R3HCC1L: variants seen among roughly 807,000 people sequenced by gnomAD.
R3HCC1L encodes coiled-coil domain-containing protein R3HCC1L.
In R3HCC1L, 51 loss-of-function variants were observed where a neutral mutation model predicts 59.9. The observed-to-expected ratio is 0.85, with a 90% CI of 0.68 to 1.07. The LOEUF (loss-of-function observed/expected upper bound fraction) is 1.07. Among genes scored for constraint, R3HCC1L ranks in the 50% least tolerant of loss-of-function variants. The probability of loss-of-function intolerance (pLI) is 0.00; values close to 1 mark genes in which losing one functional copy is unlikely to be tolerated. For synonymous variants in R3HCC1L, 322 were observed against 315.2 expected (o/e 1.02, Z -0.23); for missense variants, 965 against 933.0 (o/e 1.03, Z -0.45).
chr10:98,220,454 A>G (rs7093528), intron 5 of R3HCC1L, among the ~76,000 whole-genome samples: 3,442 of 142,326 alleles, frequency 0.024, 144 homozygotes, highest in African/African-American at 0.081. Context: ...TTACATATGT[A>G]TACATATGCC....
chr10:98,241,937 T>G (rs1449658437), intron 9 of R3HCC1L, among the ~76,000 whole-genome samples: 1 of 152,214 alleles, frequency 6.6e-6, no homozygotes, highest in Admixed American at 6.5e-5. Context: ...ATTTCTAAAT[T>G]TACACCTCAC....
intron 1 of R3HCC1L, among the ~76,000 whole-genome samples, chr10:98,136,333 C>T (rs1844581974): frequency 6.6e-6 from 1 of 152,046 alleles, no homozygotes; most frequent in Non-Finnish European, 1.5e-5. Flanking sequence ...AGTTCAAGTC[C>T]TGGTGCTGTG....
intron 5 of R3HCC1L, among the ~76,000 whole-genome samples, chr10:98,212,577 G>T (rs893174924): frequency 1.3e-5 from 2 of 152,146 alleles, no homozygotes; most frequent in Non-Finnish European, 2.9e-5. Flanking sequence ...CTAAAGCCAC[G>T]GTATGGAATG....
chr10:98,209,407 G>A lies in R3HCC1L; in HGVS notation c.1293G>A (p.Gly431=). 2 of 1,613,674 alleles carry A rather than the reference G, an allele frequency of 1.2e-6. No individual in the cohort carries two copies. The highest frequency in any genetic ancestry group is 1.7e-6 in the Non-Finnish European group (2 of 1,179,984). The change falls in exon 5 of 10, where the codon GGG becomes GGA. Residue 431 remains glycine (G), a synonymous_variant. Transcript: ENST00000298999. The part of the protein sequence containing the change: ...DATPLHVARS[G]NDTEDFSNPS... The stretch of plus-strand genomic sequence containing the variant: ...CCCCTCTTCATGTAGCTAGAAGTGG[G>A]AATGACACTGAAGATTTCAGCAACC...
At chr10:98,136,287 T>C (rs1245908708) in intron 1 of R3HCC1L, among the ~76,000 whole-genome samples, 1 of 152,216 alleles carries the variant, frequency 6.6e-6, no homozygotes, top group Non-Finnish European at 1.5e-5. Context: ...TGACAGTAAG[T>C]TGCATTAGCT....
intron 4 of R3HCC1L, among the ~76,000 whole-genome samples, chr10:98,176,218 A>G (rs1849003505): frequency 6.6e-6 from 1 of 152,080 alleles, no homozygotes; most frequent in Admixed American, 6.6e-5. Flanking sequence ...TGAGTTCTCC[A>G]TCTTCATCCC....
At chr10:98,193,247 A>G (rs544779962) in intron 4 of R3HCC1L, among the ~76,000 whole-genome samples, 3 of 152,126 alleles carry the variant, frequency 2.0e-5, no homozygotes, top group Non-Finnish European at 4.4e-5. Flanking sequence ...TTTCTTCAAC[A>G]TTGTAATAGA....
At chr10:98,148,456 C>CTTG (rs1321874338) in intron 1 of R3HCC1L, among the ~76,000 whole-genome samples, 1 of 152,116 alleles carries the variant, frequency 6.6e-6, no homozygotes, top group East Asian at 1.9e-4. Context: ...GCATCCTTGT[C>CTTG]TTGTTCCAGA....
At chr10:98,220,480 A>T in intron 5 of R3HCC1L, among the ~76,000 whole-genome samples, 1 of 144,012 alleles carries the variant, frequency 6.9e-6, no homozygotes, top group East Asian at 2.1e-4. Flanking sequence ...GGTGCACTGC[A>T]CCCACTAACT....
At chr10:98,169,576 T>C (rs1485434748) in intron 4 of R3HCC1L, among the ~76,000 whole-genome samples, 1 of 152,190 alleles carries the variant, frequency 6.6e-6, no homozygotes, top group Admixed American at 6.6e-5. Context: ...GGGCCTAAAC[T>C]GTAATGAAAC....
At chr10:98,236,832 G>T (rs1857019075) in intron 9 of R3HCC1L, among the ~76,000 whole-genome samples, 1 of 152,152 alleles carries the variant, frequency 6.6e-6, no homozygotes, top group Admixed American at 6.5e-5. Context: ...GTAAAGGCTT[G>T]GGACTCTGGT....
Position 98,160,866 on chromosome 10 carries a change from T to A in R3HCC1L, c.-212-2017T>A, listed in dbSNP as rs1056969134. On this transcript the variant is annotated intron_variant, in intron 2 of 9. Coordinates refer to ENST00000298999, the MANE Select transcript of R3HCC1L (RefSeq NM_001351015.2). ...TCATGTGTTTTTCCCCCCTCAGGAT[T>A]GAGGAGATAGATGCACATTTTCTAA... is the stretch of plus-strand genomic sequence containing the variant. 3.3e-5 allele frequency among the ~76,000 whole-genome samples: 5 copies of A among 152,242 alleles called. No individual in the cohort carries two copies. In the South Asian group the frequency reaches 1.0e-3, roughly 32 times the overall value.
At chr10:98,157,218 T>G (rs180702320) in intron 2 of R3HCC1L, among the ~76,000 whole-genome samples, 1 of 152,332 alleles carries the variant, frequency 6.6e-6, no homozygotes, top group East Asian at 1.9e-4. Context: ...CACAGTGATG[T>G]GCTTTGGTGT....
chr10:98,208,324 A>T lies in R3HCC1L; in HGVS notation c.210A>T (p.Arg70Ser). 1 of 1,614,200 alleles carries T rather than the reference A, an allele frequency of 6.2e-7. No homozygotes were observed. Among genetic ancestry groups the T allele is most frequent in the Non-Finnish European group, 8.5e-7 (1 of 1,180,034 alleles). The change falls in exon 5 of 10, where the codon AGA becomes AGT. Residue 70 changes from arginine (R) to serine (S), a missense_variant. Physicochemically the swap from Arg to Ser is moderately radical, Grantham distance 110. Coordinates refer to ENST00000298999, the MANE Select transcript of R3HCC1L (RefSeq NM_001351015.2). ...EVFKDKPEAR[R>S]LNINPDRKEH... ...TTAAAGACAAACCGGAGGCTCGAAG[A>T]CTAAATATCAATCCTGATAGAAAGG...
At chr10:98,146,121 TTAA>T (rs1437200417) in intron 1 of R3HCC1L, among the ~76,000 whole-genome samples, 1 of 152,186 alleles carries the variant, frequency 6.6e-6, no homozygotes, top group Non-Finnish European at 1.5e-5. Context: ...GGAGGATATT[TTAA>T]TAATTATTGT....
chr10:98,147,683 T>C (rs1305152795), intron 1 of R3HCC1L, among the ~76,000 whole-genome samples: 1 of 152,190 alleles, frequency 6.6e-6, no homozygotes, highest in Non-Finnish European at 1.5e-5. Context: ...CCCCATTTTA[T>C]GTTCTTGGTG....
chr10:98,134,658 G>A lies in R3HCC1L; in HGVS notation c.-316G>A, dbSNP rs899134474. ...GCGCGCCCCAGCGGCGCGAGCGGAA[G>A]AGATAGAGCTTCGCGGAGACGGCGG... On this transcript the variant is annotated 5_prime_UTR_variant, in exon 1 of 10. Transcript: ENST00000298999. The A allele has an allele frequency of 3.9e-5, 6 of 152,294 alleles. No homozygotes were observed. Among genetic ancestry groups the A allele is most frequent in the East Asian group, 1.9e-4 (1 of 5,182 alleles). The allele number at this position is 152,294 out of a possible 1,614,324, so 9.4% of individuals were successfully genotyped here.
At chr10:98,186,537 T>G (rs1481496251) in intron 4 of R3HCC1L, 1 of 979,124 alleles carries the variant, frequency 1.0e-6, no homozygotes, top group Non-Finnish European at 1.2e-6. Flanking sequence ...AGTGTTCAAG[T>G]CTTCTGAGAC....
chr10:98,242,137 GA>G (rs1336616623), intron 9 of R3HCC1L, among the ~76,000 whole-genome samples: 1 of 152,180 alleles, frequency 6.6e-6, no homozygotes, highest in Non-Finnish European at 1.5e-5. Flanking sequence ...CTGAGCTCAG[GA>G]GTTCAAGACC....
Sources: gnomAD v4.1 joint callset for allele counts (sites outside exome capture counted in the v4.1 genomes callset) on GRCh38, gnomAD v4.1.1 for gene constraint, MANE v1.5 for transcripts, NCBI Gene and HGNC (gene_info 2026-07-23, HGNC 2026-07-21) for gene names.